SLC16A12: variants seen among roughly 807,000 people sequenced by gnomAD.
SLC16A12 encodes monocarboxylate transporter 12.
In SLC16A12, 17 loss-of-function variants were observed where a neutral mutation model predicts 42.4. That is an observed-to-expected ratio of 0.40 (90% CI 0.27 to 0.60). The LOEUF (loss-of-function observed/expected upper bound fraction) is 0.60, where lower values mean the gene tolerates loss of function less well. SLC16A12 is among the 20% of genes least tolerant of loss of function. The pLI is 0.42. For synonymous variants in SLC16A12, 224 were observed against 229.4 expected (o/e 0.98, Z 0.21); for missense variants, 544 against 623.0 (o/e 0.87, Z 1.35).
chr10:89,474,622 A>G (rs1842548572), intron 2 of SLC16A12, among the ~76,000 whole-genome samples: 1 of 151,820 alleles, frequency 6.6e-6, no homozygotes, highest in South Asian at 2.1e-4. Context: ...CTCTCTAAAC[A>G]GCGCACACCA....
rs538202921 is a variant in SLC16A12, at chr10:89,430,829, A to G, written c.*2235T>C. ...CACAGAAATTATATTGCAGAACCAC[A>G]TAAACAAAATTTTGTTGTGATCATG... is the stretch of plus-strand genomic sequence containing the variant. On this transcript the variant is annotated 3_prime_UTR_variant, in exon 8 of 8. Coordinates refer to ENST00000371790, the MANE Select transcript of SLC16A12 (RefSeq NM_213606.4). 5.0e-6 allele frequency: 2 copies of G among 401,116 alleles called. No homozygotes were observed. Among genetic ancestry groups the G allele is most frequent in the Middle Eastern group, 4.8e-4 (1 of 2,094 alleles). 24.8% of individuals were successfully genotyped at this position (401,116 alleles called of 1,614,324 possible). A position where few individuals can be genotyped will look rare whatever the true frequency, so the allele number is the denominator to read the frequency against.
chr10:89,532,317 G>A (rs187354488), intron 2 of SLC16A12, among the ~76,000 whole-genome samples: 25 of 152,284 alleles, frequency 1.6e-4, no homozygotes, highest in African/African-American at 5.8e-4. Flanking sequence ...TACTCCAGGT[G>A]CCTAGCATGC....
intron 2 of SLC16A12, among the ~76,000 whole-genome samples, chr10:89,532,382 A>T (rs1293578093): frequency 6.6e-6 from 1 of 152,202 alleles, no homozygotes; most frequent in Non-Finnish European, 1.5e-5. Flanking sequence ...TTCAAACAGG[A>T]CATTGTTAGA....
At chr10:89,552,210 A>G (rs548446555) in intron 2 of SLC16A12, among the ~76,000 whole-genome samples, 25 of 152,348 alleles carry the variant, frequency 1.6e-4, no homozygotes, top group African/African-American at 5.8e-4. Flanking sequence ...CTGGGATTAC[A>G]GGCGTGAGCC....
chr10:89,482,652 C>T (rs568485464), intron 2 of SLC16A12, among the ~76,000 whole-genome samples: 5 of 151,962 alleles, frequency 3.3e-5, no homozygotes, highest in South Asian at 2.1e-4. Flanking sequence ...GGCACAGTGG[C>T]GTGGGCCTGT....
chr10:89,493,901 T>C (rs1842884254), intron 2 of SLC16A12, among the ~76,000 whole-genome samples: 1 of 151,444 alleles, frequency 6.6e-6, no homozygotes, highest in Non-Finnish European at 1.5e-5. Context: ...AAGCAAACTA[T>C]AAAAAAAAAT....
chr10:89,494,875 C>T (rs1289530318), intron 2 of SLC16A12, among the ~76,000 whole-genome samples: 1 of 152,164 alleles, frequency 6.6e-6, no homozygotes, highest in Non-Finnish European at 1.5e-5. Flanking sequence ...CCTTCCCCTC[C>T]CTGGAAGAAA....
upstream of SLC16A12, among the ~76,000 whole-genome samples, chr10:89,537,241 G>A (rs995054410): frequency 6.6e-6 from 1 of 150,788 alleles, no homozygotes; most frequent in African/African-American, 2.4e-5. Flanking sequence ...GCTGTGGTGC[G>A]ATCATAGCTC....
chr10:89,472,546 G>A (rs1403485815), intron 2 of SLC16A12, among the ~76,000 whole-genome samples: 1 of 131,806 alleles, frequency 7.6e-6, no homozygotes, highest in Non-Finnish European at 1.6e-5. Context: ...AGGCTGGAGT[G>A]CAGTGGGGCG....
In SLC16A12 at chr10:89,438,660, T is replaced by C; in HGVS notation, c.972A>G (p.Ile324Met). Residue 324 changes from isoleucine to methionine, a missense_variant, in exon 6 of 8, where the codon ATA becomes ATG. By Grantham distance (10) the Ile-to-Met change is conservative. Coordinates refer to ENST00000371790, the MANE Select transcript of SLC16A12 (RefSeq NM_213606.4). ...SHQQAAFLMS[I>M]LGVIDIIGNI... ...TGCCAATAATGTCAATCACTCCAAG[T>C]ATGGACATAAGAAAAGCAGCTTGCT... is the stretch of plus-strand genomic sequence containing the variant. 6.2e-7 allele frequency: 1 copy of C among 1,614,008 alleles called. No individual in the cohort carries two copies. The highest frequency in any genetic ancestry group is 1.3e-5 in the African/African-American group (1 of 74,998).
chr10:89,489,428 C>T (rs1247159361), intron 2 of SLC16A12, among the ~76,000 whole-genome samples: 1 of 152,166 alleles, frequency 6.6e-6, no homozygotes, highest in Non-Finnish European at 1.5e-5. Flanking sequence ...CAACCTCTGT[C>T]TCCCGGGCTC....
chr10:89,481,942 G>T (rs1842670521), intron 2 of SLC16A12, among the ~76,000 whole-genome samples: 1 of 152,008 alleles, frequency 6.6e-6, no homozygotes, highest in African/African-American at 2.4e-5. Context: ...TGCTGACAAT[G>T]ATAAAATTGT....
intron 2 of SLC16A12, 22 bp from the exon 3 acceptor site, chr10:89,462,646 T>TATA: frequency 6.6e-7 from 1 of 1,520,342 alleles, no homozygotes; most frequent in Non-Finnish European, 8.8e-7. Context: ...AATCAGGACA[T>TATA]ATTTATATCT....
At chr10:89,447,660 G>T (rs1842026575) in intron 3 of SLC16A12, among the ~76,000 whole-genome samples, 1 of 152,158 alleles carries the variant, frequency 6.6e-6, no homozygotes, top group Admixed American at 6.5e-5. Flanking sequence ...AAGCAGGAGA[G>T]ATTTAAAATC....
chr10:89,496,103 T>C (rs1842918274), intron 2 of SLC16A12, among the ~76,000 whole-genome samples: 1 of 151,984 alleles, frequency 6.6e-6, no homozygotes, highest in South Asian at 2.1e-4. Flanking sequence ...ATAATTATTA[T>C]AACAATTAAC....
At chr10:89,524,517 G>A (rs1274225389) in intron 2 of SLC16A12, among the ~76,000 whole-genome samples, 1 of 152,140 alleles carries the variant, frequency 6.6e-6, no homozygotes, top group Non-Finnish European at 1.5e-5. Context: ...TGCTCCTACT[G>A]CCTAGAAGGT....
intron 2 of SLC16A12, among the ~76,000 whole-genome samples, chr10:89,481,932 T>G (rs924323088): frequency 1.3e-5 from 2 of 152,042 alleles, no homozygotes; most frequent in Non-Finnish European, 2.9e-5. Flanking sequence ...CTTGAGAGAA[T>G]GCTGACAATG....
At chr10:89,478,438 A>G (rs1189789589) in intron 2 of SLC16A12, among the ~76,000 whole-genome samples, 1 of 152,234 alleles carries the variant, frequency 6.6e-6, no homozygotes. Context: ...ACTGTGTTGC[A>G]TACCAGTGTG....
chr10:89,522,330 C>G (rs1843370588), intron 2 of SLC16A12, among the ~76,000 whole-genome samples: 1 of 152,188 alleles, frequency 6.6e-6, no homozygotes, highest in African/African-American at 2.4e-5. Context: ...CTCCGCTTTC[C>G]CCCATTCCAT....
Sources: gnomAD v4.1 joint callset for allele counts (sites outside exome capture counted in the v4.1 genomes callset) on GRCh38, gnomAD v4.1.1 for gene constraint, MANE v1.5 for transcripts, NCBI Gene and HGNC (gene_info 2026-07-23, HGNC 2026-07-21) for gene names.